Variants in PDSS2 observed in about 807,000 individuals in gnomAD.
The protein encoded by PDSS2 is all trans-polyprenyl-diphosphate synthase PDSS2.
Under a neutral mutation model 44.5 loss-of-function variants are expected in PDSS2, and 31 were observed. That is an observed-to-expected ratio of 0.70 (90% confidence interval 0.52 to 0.94). PDSS2 has a LOEUF of 0.94. Ranked by LOEUF, PDSS2 falls within the 40% of genes least tolerant of loss-of-function variation. PDSS2 has a pLI of 0.00. For missense variants in PDSS2, 452 were observed against 482.2 expected (o/e 0.94, Z 0.59); for synonymous variants, 157 against 180.3 (o/e 0.87, Z 1.03).
At chr6:107,237,809 T>G (rs1460884461) in intron 4 of PDSS2, among the ~76,000 whole-genome samples, 10 of 148,650 alleles carry the variant, frequency 6.7e-5, no homozygotes, top group African/African-American at 2.2e-4. Context: ...GGCAGGTGAA[T>G]CGCTTGAAGC....
At chr6:107,303,410 C>T (rs532033160) in intron 2 of PDSS2, among the ~76,000 whole-genome samples, 16 of 152,304 alleles carry the variant, frequency 1.1e-4, no homozygotes, top group African/African-American at 3.6e-4. Flanking sequence ...CATCATCCTT[C>T]CACTCTACTT....
chr6:107,176,619 C>T (rs545034135), intron 7 of PDSS2, among the ~76,000 whole-genome samples: 1 of 152,250 alleles, frequency 6.6e-6, no homozygotes, highest in African/African-American at 2.4e-5. Context: ...AAGGCTCAAC[C>T]TCTCTGCTAA....
At chr6:107,227,278 C>CTTTTTTTTTTTTTTTTTTTT (rs60988844) in intron 4 of PDSS2, among the ~76,000 whole-genome samples, 8 of 102,814 alleles carry the variant, frequency 7.8e-5, no homozygotes, top group Non-Finnish European at 1.0e-4. Context: ...CCACTGTGCC[C>CTTTTTTTTTTTTTTTTTTTT]TTTTTTTTTT....
intron 1 of PDSS2, among the ~76,000 whole-genome samples, chr6:107,372,679 C>T (rs1362658116): frequency 1.3e-5 from 2 of 152,132 alleles, no homozygotes; most frequent in African/African-American, 2.4e-5. Context: ...GTCTCGATCT[C>T]CTGACCTTGT....
In PDSS2 at chr6:107,387,918, T is replaced by C. The variant is rs146136978; in HGVS notation, c.297-53586A>G. On this transcript the variant is annotated intron_variant, in intron 1 of 7. Transcript: ENST00000369037. Reference sequence around the variant, plus strand: ...AGTTAGCAGACAACTAGGAGAAGAATGTCATCAAAATAAATAAACTCTCAA... The same window carrying C: ...AGTTAGCAGACAACTAGGAGAAGAACGTCATCAAAATAAATAAACTCTCAA... Among the ~76,000 whole-genome samples, 667 of 152,350 alleles carry C rather than the reference T, an allele frequency of 4.4e-3. 4 individuals carry two copies. The highest frequency in any genetic ancestry group is 7.2e-3 in the Non-Finnish European group (488 of 68,040).
At chr6:107,237,239 A>G (rs2114763031) in intron 4 of PDSS2, among the ~76,000 whole-genome samples, 1 of 149,654 alleles carries the variant, frequency 6.7e-6, no homozygotes, top group East Asian at 2.0e-4. Context: ...GGCCTCTTTT[A>G]TTTATTTATT....
chr6:107,289,956 T>A (rs12194536), intron 2 of PDSS2, among the ~76,000 whole-genome samples: 6,226 of 151,942 alleles, frequency 0.041, 232 homozygotes, highest in African/African-American at 0.098. Flanking sequence ...AATTTTTTTT[T>A]AAAAAATGTT....
chr6:107,161,495 A>AT, intron 7 of PDSS2, among the ~76,000 whole-genome samples: 1 of 152,098 alleles, frequency 6.6e-6, no homozygotes, highest in South Asian at 2.1e-4. Flanking sequence ...AAAAAAAAAA[A>AT]AAAAGAAATT....
intron 4 of PDSS2, among the ~76,000 whole-genome samples, chr6:107,223,144 T>C (rs897432459): frequency 4.6e-5 from 7 of 150,594 alleles, no homozygotes; most frequent in Non-Finnish European, 1.0e-4. Context: ...GAGGCCAGGA[T>C]GGTCTCGAAC....
intron 1 of PDSS2, among the ~76,000 whole-genome samples, chr6:107,452,670 T>A (rs1056515291): frequency 1.4e-5 from 2 of 145,986 alleles, no homozygotes; most frequent in Non-Finnish European, 3.0e-5. Context: ...AGTTTCAAAC[T>A]TTTTTTTTTT....
At chr6:107,286,684 A>T (rs895942778) in intron 2 of PDSS2, among the ~76,000 whole-genome samples, 1 of 152,138 alleles carries the variant, frequency 6.6e-6, no homozygotes, top group Admixed American at 6.6e-5. Flanking sequence ...AGGTACAAAG[A>T]GGTAATTCCA....
rs938329018 is a variant in PDSS2 at position 107,392,817 on chromosome 6, G to C, written c.297-58485C>G. Among the ~76,000 whole-genome samples the C allele has an allele frequency of 3.9e-4, 60 of 152,022 alleles. 1 individual carries two copies. The highest frequency in any genetic ancestry group is 3.7e-3 in the Admixed American group (56 of 15,260). Reference sequence around the variant, plus strand: ...ACAAGCAAACTTTGGATTGGCCCCAGAACAGTTATACCCAGACTTCAAGCT... The same window carrying C: ...ACAAGCAAACTTTGGATTGGCCCCACAACAGTTATACCCAGACTTCAAGCT... On this transcript the variant is annotated intron_variant, in intron 1 of 7. Transcript: ENST00000369037.
At chr6:107,375,510 T>TC (rs1175179424) in intron 1 of PDSS2, among the ~76,000 whole-genome samples, 4 of 152,208 alleles carry the variant, frequency 2.6e-5, no homozygotes, top group African/African-American at 9.6e-5. Context: ...AAAAACACTA[T>TC]CTATGAAAGT....
chr6:107,170,423 C>T (rs1054009532), intron 7 of PDSS2, among the ~76,000 whole-genome samples: 4 of 152,164 alleles, frequency 2.6e-5, no homozygotes, highest in East Asian at 1.9e-4. Flanking sequence ...CCTTGCACTT[C>T]CTGGGTGAGG....
At chr6:107,303,112 G>T (rs1185576067) in intron 2 of PDSS2, among the ~76,000 whole-genome samples, 1 of 152,260 alleles carries the variant, frequency 6.6e-6, no homozygotes, top group East Asian at 1.9e-4. Context: ...GTTGGCATAT[G>T]GTGAGGACCT....
At chr6:107,239,977 G>T (rs377605463) in intron 4 of PDSS2, among the ~76,000 whole-genome samples, 7 of 152,106 alleles carry the variant, frequency 4.6e-5, no homozygotes, top group African/African-American at 1.7e-4. Flanking sequence ...AAAATGATAA[G>T]ACAATTAGAA....
chr6:107,360,980 C>T (rs905202821), intron 1 of PDSS2, among the ~76,000 whole-genome samples: 3 of 152,056 alleles, frequency 2.0e-5, no homozygotes, highest in Non-Finnish European at 2.9e-5. Context: ...TAGAAGACAG[C>T]TTATTTTTAG....
At chr6:107,422,782 G>A (rs932986500) in intron 1 of PDSS2, among the ~76,000 whole-genome samples, 1 of 151,962 alleles carries the variant, frequency 6.6e-6, no homozygotes, top group Non-Finnish European at 1.5e-5. Flanking sequence ...GAGTAATTAA[G>A]ACTAGGGTAA....
chr6:107,189,116 C>T (rs1022909365), intron 7 of PDSS2, among the ~76,000 whole-genome samples: 1 of 152,164 alleles, frequency 6.6e-6, no homozygotes, highest in African/African-American at 2.4e-5. Context: ...GACACAATCT[C>T]AGCTGACTGC....
Sources: allele counts gnomAD v4.1 joint callset (sites outside exome capture counted in the v4.1 genomes callset), GRCh38; gene constraint gnomAD v4.1.1; transcripts MANE v1.5; gene names NCBI Gene and HGNC (gene_info 2026-07-23, HGNC 2026-07-21).